ENO3: variants seen among roughly 807,000 people sequenced by gnomAD.
ENO3 encodes the protein enolase 3.
In ENO3, 46 loss-of-function variants were observed where a neutral mutation model predicts 47.7. The observed-to-expected ratio is 0.96, with a 90% CI of 0.76 to 1.23. The LOEUF (loss-of-function observed/expected upper bound fraction) is 1.23, where lower values mean the gene tolerates loss of function less well. Among genes scored for constraint, ENO3 ranks in the 50% most tolerant of loss-of-function variants. ENO3 has a pLI of 0.00. For missense variants in ENO3, 575 were observed against 566.2 expected (o/e 1.02, Z -0.16); for synonymous variants, 223 against 225.9 (o/e 0.99, Z 0.11).
At chr17:4,950,469 C>CG, upstream of ENO3, 1 of 771,474 alleles carries the variant, frequency 1.3e-6, no homozygotes, top group African/African-American at 1.9e-5. Flanking sequence ...GTCCCCACGC[C>CG]GGGCGACAAG....
intron 6 of ENO3, 137 bp downstream of exon 6, chr17:4,953,982 C>A: frequency 7.5e-7 from 1 of 1,340,338 alleles, no homozygotes; most frequent in Non-Finnish European, 1.0e-6. Flanking sequence ...ATCTCTCCTG[C>A]TGTGGTCCCA....
intron 6 of ENO3, chr17:4,954,094 T>G: frequency 1.7e-6 from 1 of 599,744 alleles, no homozygotes; most frequent in Non-Finnish European, 2.9e-6. Flanking sequence ...CTAGGCTCGA[T>G]AACTCCAGCC....
At chr17:4,956,805 C>T (rs1264121673) in intron 10 of ENO3, 26 bp from the exon 11 acceptor site, 2 of 1,614,188 alleles carry the variant, frequency 1.2e-6, no homozygotes, top group Non-Finnish European at 8.5e-7. Context: ...CTCACCTAAC[C>T]CTCCAAATTC....
chr17:4,955,014 CCTGT>C, intron 6 of ENO3, 57 bp from the exon 7 acceptor site: 1 of 1,537,442 alleles, frequency 6.5e-7, no homozygotes, highest in Admixed American at 1.8e-5. Flanking sequence ...ACCCCCCGCC[CCTGT>C]CCCTTCTTGA....
chr17:4,953,155 G>T, intron 4 of ENO3, 46 bp downstream of exon 4: 2 of 1,613,764 alleles, frequency 1.2e-6, no homozygotes, highest in Admixed American at 1.7e-5. Flanking sequence ...CCATGCCCCT[G>T]CTCCCTCAGC....
chr17:4,950,748 C>A (rs1971516695), upstream of ENO3: 8 of 900,220 alleles, frequency 8.9e-6, no homozygotes, highest in Non-Finnish European at 9.3e-6. Context: ...TCTTCCAGGC[C>A]CCCTCCCCAG....
chr17:4,956,823 C>T lies in ENO3; in HGVS notation c.1177-8C>T. ...ACCTAACCCTCCAAATTCTTCTTCCCTCATCAGATCAAGACTGGCGCCCCC... is the reference window on the plus strand; with the variant it reads ...ACCTAACCCTCCAAATTCTTCTTCCTTCATCAGATCAAGACTGGCGCCCCC... On this transcript the variant is annotated splice_region_variant and splice_polypyrimidine_tract_variant and intron_variant, in intron 10 of 11. Transcript: ENST00000519602. The T allele has an allele frequency of 6.2e-7, 1 of 1,614,208 alleles. No homozygotes were observed. Among genetic ancestry groups the T allele is most frequent in the East Asian group, 2.2e-5 (1 of 44,880 alleles).
chr17:4,955,427 G>T lies in ENO3; in HGVS notation c.688G>T (p.Ala230Ser). Residue 230 changes from alanine (A) to serine (S), a missense_variant, in exon 8 of 12, where the codon GCC becomes TCC. Coordinates refer to ENST00000519602, the MANE Select transcript of ENO3 (RefSeq NM_053013.4). ...CCCAGCCCTGGAGCTGCTGAAGACG[G>T]CCATCCAGGCGGCTGGTTACCCAGA... ...NNEALELLKT[A>S]IQAAGYPDKV... The T allele has an allele frequency of 6.2e-7, 1 of 1,614,252 alleles. No individual in the cohort carries two copies. The highest frequency in any genetic ancestry group is 1.1e-5 in the South Asian group (1 of 91,090).
At chr17:4,954,797 C>T (rs1230564809) in intron 6 of ENO3, among the ~76,000 whole-genome samples, 1 of 151,410 alleles carries the variant, frequency 6.6e-6, no homozygotes, top group Non-Finnish European at 1.5e-5. Context: ...CCTATAGTCC[C>T]AGCTACTAGG....
chr17:4,955,791 C>CT (rs1971705996), intron 8 of ENO3, 151 bp from the exon 9 acceptor site: 4 of 1,235,872 alleles, frequency 3.2e-6, no homozygotes, highest in Non-Finnish European at 4.7e-6. Flanking sequence ...AGCCGTGTCT[C>CT]TGCCCTGTCT....
chr17:4,951,060 G>A (rs974142543), upstream of ENO3: 25 of 985,996 alleles, frequency 2.5e-5, no homozygotes, highest in Non-Finnish European at 3.0e-5. Context: ...AAGAGAGGCG[G>A]GGCTGGCTGG....
At chr17:4,952,950 A>G (rs936041755) in intron 3 of ENO3, 60 bp downstream of exon 3, 6 of 1,609,896 alleles carry the variant, frequency 3.7e-6, no homozygotes, top group East Asian at 2.2e-5. Flanking sequence ...TGGGTGCACA[A>G]TGGGTAGAGG....
In ENO3 at chr17:4,953,459, G is replaced by A. The variant is rs896822590; in HGVS notation, c.310+118G>A. On this transcript the variant is annotated intron_variant, in intron 5 of 11. Coordinates refer to ENST00000519602, the MANE Select transcript of ENO3 (RefSeq NM_053013.4). ...CCCATTTTGGGTCACACCGCAGCTGGATGGATTTGTGTTCATTCCACAGGC... is the reference window on the plus strand; with the variant it reads ...CCCATTTTGGGTCACACCGCAGCTGAATGGATTTGTGTTCATTCCACAGGC... 3.7e-5 allele frequency: 55 copies of A among 1,472,118 alleles called. No homozygotes were observed. The Admixed American group carries it at 9.3e-4, about 25-fold the overall frequency. 91.2% of individuals were successfully genotyped at this position (1,472,118 alleles called of 1,614,324 possible).
intron 5 of ENO3, among the ~76,000 whole-genome samples, 163 bp from the exon 6 acceptor site, chr17:4,953,549 A>G (rs1301392687): frequency 1.3e-5 from 2 of 152,162 alleles, no homozygotes; most frequent in African/African-American, 4.8e-5. Flanking sequence ...CAGCTGACAC[A>G]TTCCCCCGGG....
chr17:4,950,947 G>A (rs968182414), upstream of ENO3: 25 of 844,098 alleles, frequency 3.0e-5, no homozygotes, highest in Non-Finnish European at 3.6e-5. Flanking sequence ...GATAGTAGTT[G>A]ACCTTTGGTA....
upstream of ENO3, among the ~76,000 whole-genome samples, chr17:4,949,522 G>A (rs1597692499): frequency 6.6e-6 from 1 of 152,164 alleles, no homozygotes; most frequent in Non-Finnish European, 1.5e-5. Flanking sequence ...CAAGTTGCAA[G>A]AGTGGCAACT....
At chr17:4,952,559 G>C (rs984047261) in intron 2 of ENO3, among the ~76,000 whole-genome samples, 1 of 152,178 alleles carries the variant, frequency 6.6e-6, no homozygotes, top group Non-Finnish European at 1.5e-5. Context: ...TCCTGATCTC[G>C]TGATCCGCCC....
Position 4,956,139 on chromosome 17 carries a change from C to T in ENO3, c.1063C>T (p.Gln355Ter), listed in dbSNP as rs369177998. The T allele has an allele frequency of 6.2e-7, 1 of 1,613,778 alleles. No homozygotes were observed. Among genetic ancestry groups the T allele is most frequent in the African/African-American group, 1.3e-5 (1 of 74,864 alleles). ...GATCGGCTCGGTGACCGAATCGATC[C>T]AGGCGTGAGTGCCTCCTGACCCTGA... ...NQIGSVTESI[Q>*]ACKLAQSNGW... The change falls in exon 9 of 12, where the codon CAG (glutamine) becomes TAG (stop). Residue 355 changes from glutamine to a stop codon, truncating the protein, a stop_gained. Transcript: ENST00000519602. LOFTEE classifies it high-confidence loss of function.
At position 4,955,061 on chromosome 17, in the gene ENO3, T is replaced by C; in HGVS notation, c.445-14T>C. The C allele has an allele frequency of 6.4e-7, 1 of 1,551,340 alleles. No homozygotes were observed. The highest frequency in any genetic ancestry group is 8.8e-7 in the Non-Finnish European group (1 of 1,142,394). ...TGCCCCGGCCCAGGTCCAGACACCC[T>C]CTCCCCATCTCAGGCCTTCAATGTG... On this transcript the variant is annotated splice_polypyrimidine_tract_variant and intron_variant, in intron 6 of 11. Transcript: ENST00000519602.
Sources: allele counts gnomAD v4.1 joint callset (sites outside exome capture counted in the v4.1 genomes callset), GRCh38; gene constraint gnomAD v4.1.1; transcripts MANE v1.5; gene names NCBI Gene and HGNC (gene_info 2026-07-23, HGNC 2026-07-21).